MTHFD1L: variants seen among roughly 807,000 people sequenced by gnomAD.
The protein encoded by MTHFD1L is methylenetetrahydrofolate dehydrogenase (NADP+ dependent) 1 like, also known as monofunctional C1-tetrahydrofolate synthase, mitochondrial.
MTHFD1L carries 81 observed loss-of-function variants against 119.5 expected under a neutral mutation model. The ratio of observed to expected loss-of-function variants is 0.68; its 90% CI spans 0.57 to 0.82. The LOEUF (loss-of-function observed/expected upper bound fraction) is 0.82, where lower values mean the gene tolerates loss of function less well. MTHFD1L is among the 40% of genes least tolerant of loss of function. MTHFD1L has a pLI of 0.00. For synonymous variants in MTHFD1L, 430 were observed against 475.2 expected, an observed-to-expected ratio of 0.90 and a Z score of 1.24; for missense variants, 1,125 against 1,253.4, an observed-to-expected ratio of 0.90 and a Z score of 1.55.
At chr6:151,018,723 C>T (rs1004162539) in intron 24 of MTHFD1L, among the ~76,000 whole-genome samples, 8 of 152,088 alleles carry the variant, frequency 5.3e-5, no homozygotes, top group South Asian at 2.1e-4. Flanking sequence ...AGTGACCCCC[C>T]TGAAGAGAAA....
chr6:151,081,198 C>T (rs999965038), intron 26 of MTHFD1L, among the ~76,000 whole-genome samples: 4 of 152,156 alleles, frequency 2.6e-5, no homozygotes, highest in African/African-American at 9.7e-5. Flanking sequence ...TTAATTACGT[C>T]ACAGGGTAGT....
Position 150,945,357 on chromosome 6 carries a change from T to C in MTHFD1L, c.1549-110T>C. The C allele has an allele frequency of 1.4e-5, 11 of 795,450 alleles. No individual in the cohort carries two copies. In the South Asian group the frequency reaches 1.8e-4, roughly 13 times the overall value. 49.3% of individuals were successfully genotyped at this position (795,450 alleles called of 1,614,324 possible). ...CCACAAATTTTAATAGGGTCTTTTA[T>C]CTAAATAGTTCGGTTATAAATGCAA... On this transcript the variant is annotated intron_variant, in intron 14 of 27. Transcript: ENST00000367321.
At chr6:151,048,813 T>C (rs1366396977) in intron 26 of MTHFD1L, among the ~76,000 whole-genome samples, 1 of 152,226 alleles carries the variant, frequency 6.6e-6, no homozygotes, top group East Asian at 1.9e-4. Context: ...AAACTGTTTT[T>C]CCCTTGTACT....
intron 20 of MTHFD1L, among the ~76,000 whole-genome samples, chr6:150,991,470 G>A (rs1447787841): frequency 2.6e-5 from 4 of 152,168 alleles, no homozygotes; most frequent in Non-Finnish European, 4.4e-5. Flanking sequence ...TTGTTTGCCT[G>A]GAGGTAATGG....
Position 151,067,881 on chromosome 6 carries a change from T to C in MTHFD1L, c.2848-24586T>C, listed in dbSNP as rs565071590. 1.8e-3 allele frequency among the ~76,000 whole-genome samples: 276 copies of C among 152,358 alleles called. 1 individual carries two copies. Among genetic ancestry groups the C allele is most frequent in the African/African-American group, 5.5e-3 (230 of 41,588 alleles). On this transcript the variant is annotated intron_variant, in intron 26 of 27. Transcript: ENST00000367321. ...TTATTCTCTTCCCCTGCCGATGTCA[T>C]GGGGACACCAGCCAAATGAACTCTG... is the stretch of plus-strand genomic sequence containing the variant.
At chr6:151,002,236 G>T (rs969798524) in intron 20 of MTHFD1L, among the ~76,000 whole-genome samples, 1 of 152,166 alleles carries the variant, frequency 6.6e-6, no homozygotes, top group Non-Finnish European at 1.5e-5. Context: ...TAGCAGACAG[G>T]CCTTGGTTTT....
At chr6:151,093,215 C>G (rs982583197) in intron 27 of MTHFD1L, among the ~76,000 whole-genome samples, 1 of 152,174 alleles carries the variant, frequency 6.6e-6, no homozygotes, top group African/African-American at 2.4e-5. Flanking sequence ...CCCTGGCGTT[C>G]CCACCTTGCA....
chr6:150,986,657 G>A (rs937892346), intron 20 of MTHFD1L, among the ~76,000 whole-genome samples: 2 of 152,228 alleles, frequency 1.3e-5, no homozygotes, highest in Non-Finnish European at 2.9e-5. Context: ...ACCTCCTGCT[G>A]TGCGACCCAG....
intron 7 of MTHFD1L, among the ~76,000 whole-genome samples, chr6:150,890,541 A>G (rs1292620059): frequency 6.6e-6 from 1 of 152,146 alleles, no homozygotes; most frequent in Non-Finnish European, 1.5e-5. Flanking sequence ...TAGGGAATGT[A>G]TCTGAGTCAC....
intron 20 of MTHFD1L, among the ~76,000 whole-genome samples, chr6:150,982,726 GTC>G (rs1157496336): frequency 2.7e-5 from 4 of 150,274 alleles, no homozygotes; most frequent in South Asian, 2.1e-4. Context: ...TTGAGACAGA[GTC>G]TCTCTCTGTT....
chr6:151,074,002 CATT>C (rs1210047007), intron 26 of MTHFD1L, among the ~76,000 whole-genome samples: 1 of 152,136 alleles, frequency 6.6e-6, no homozygotes. Flanking sequence ...ATAAATGACA[CATT>C]ATGTAGAGAG....
intron 26 of MTHFD1L, among the ~76,000 whole-genome samples, chr6:151,057,923 C>T (rs1282264394): frequency 3.3e-5 from 5 of 152,096 alleles, no homozygotes; most frequent in East Asian, 1.9e-4. Flanking sequence ...GGATTACAGG[C>T]GCGTGCCACC....
chr6:150,877,232 T>A (rs1780596450), intron 2 of MTHFD1L, among the ~76,000 whole-genome samples: 1 of 152,098 alleles, frequency 6.6e-6, no homozygotes, highest in Non-Finnish European at 1.5e-5. Flanking sequence ...TTTGTATTTT[T>A]TGTAGAGATG....
chr6:151,053,315 G>A (rs892234276), intron 26 of MTHFD1L, among the ~76,000 whole-genome samples: 1 of 152,004 alleles, frequency 6.6e-6, no homozygotes, highest in Admixed American at 6.6e-5. Flanking sequence ...GAGTTAACTT[G>A]TCATCAGAGC....
intron 21 of MTHFD1L, among the ~76,000 whole-genome samples, chr6:151,011,703 C>T (rs60914214): frequency 7.9e-5 from 12 of 152,142 alleles, no homozygotes; most frequent in Admixed American, 5.2e-4. Flanking sequence ...TGTCATGGTT[C>T]TCAGCCAGTG....
intron 10 of MTHFD1L, among the ~76,000 whole-genome samples, chr6:150,923,357 G>A (rs1180244660): frequency 6.6e-6 from 1 of 151,956 alleles, no homozygotes; most frequent in East Asian, 1.9e-4. Context: ...GCCTGATGAT[G>A]AGTCATCTGT....
At chr6:150,945,669 C>G in intron 15 of MTHFD1L, 128 bp downstream of exon 15, 2 of 796,152 alleles carry the variant, frequency 2.5e-6, no homozygotes, top group Non-Finnish European at 4.0e-6. Context: ...GTATTAAACT[C>G]TATAGAGACC....
At chr6:151,090,852 T>TGACTGGGTGCAGCATCGCCCCATGA (rs1562651117) in intron 26 of MTHFD1L, among the ~76,000 whole-genome samples, 23 of 119,996 alleles carry the variant, frequency 1.9e-4, no homozygotes, top group African/African-American at 7.6e-4. Context: ...TCGCTCCATG[T>TGACTGGGTGCAGCATCGCCCCATGA]GACTGGGTGC....
intron 26 of MTHFD1L, among the ~76,000 whole-genome samples, chr6:151,068,108 A>G (rs1007717474): frequency 6.6e-6 from 1 of 152,264 alleles, no homozygotes; most frequent in South Asian, 2.1e-4. Context: ...GCCATTGGTA[A>G]TGGAGGAGAC....
Sources: gnomAD v4.1 joint callset for allele counts (sites outside exome capture counted in the v4.1 genomes callset) on GRCh38, gnomAD v4.1.1 for gene constraint, MANE v1.5 for transcripts, NCBI Gene and HGNC (gene_info 2026-07-23, HGNC 2026-07-21) for gene names.